LRBA: variants seen among roughly 807,000 people sequenced by gnomAD.
The protein encoded by LRBA is LPS responsive beige-like anchor protein, also known as lipopolysaccharide-responsive and beige-like anchor protein.
LRBA carries 176 observed loss-of-function variants against 330.0 expected under a neutral mutation model. The observed-to-expected ratio is 0.53, with a 90% confidence interval of 0.47 to 0.60. The LOEUF (loss-of-function observed/expected upper bound fraction) is 0.60. LRBA is among the 20% of genes least tolerant of loss of function. LRBA has a pLI of 0.00. For synonymous variants in LRBA, 1,230 were observed against 1,193.0 expected, an observed-to-expected ratio of 1.03 and a Z score of -0.64; for missense variants, 3,259 against 3,444.8, an observed-to-expected ratio of 0.95 and a Z score of 1.35.
At position 150,346,768 on chromosome 4, in the gene LRBA, A is replaced by C. The variant is rs894720838; in HGVS notation, c.7362+3224T>G. Among the ~76,000 whole-genome samples, 176 of 144,636 alleles carry C rather than the reference A, an allele frequency of 1.2e-3. 2 individuals are homozygous for C. Among genetic ancestry groups the C allele is most frequent in the African/African-American group, 4.2e-3 (169 of 40,010 alleles). 94.9% of individuals were successfully genotyped at this position (144,636 alleles called of 152,430 possible). Reference sequence around the variant, plus strand: ...GTGAGACTCTGTCTCAAAAAAAAAAAAAAAAAAAAAAAAAAAAAACACTTA... The same window carrying C: ...GTGAGACTCTGTCTCAAAAAAAAAACAAAAAAAAAAAAAAAAAAACACTTA... On this transcript the variant is annotated intron_variant, in intron 48 of 56. Coordinates refer to ENST00000651943, the MANE Select transcript of LRBA (RefSeq NM_001364905.1).
chr4:150,978,247 C>G (rs1462947668), intron 2 of LRBA, among the ~76,000 whole-genome samples: 1 of 152,248 alleles, frequency 6.6e-6, no homozygotes, highest in Non-Finnish European at 1.5e-5. Flanking sequence ...AAACAAGAGT[C>G]TCCACCTGGT....
chr4:150,569,162 C>A (rs1206733159), intron 40 of LRBA, among the ~76,000 whole-genome samples: 1 of 152,030 alleles, frequency 6.6e-6, no homozygotes. Flanking sequence ...ATCTTTCCAA[C>A]ATCTGCTTGG....
intron 42 of LRBA, among the ~76,000 whole-genome samples, chr4:150,477,708 G>A (rs773896993): frequency 5.3e-5 from 8 of 151,998 alleles, no homozygotes; most frequent in Non-Finnish European, 1.2e-4. Context: ...CTGTTCTCAT[G>A]ACAGTGAGTG....
intron 40 of LRBA, among the ~76,000 whole-genome samples, chr4:150,544,000 A>G (rs1426766045): frequency 6.6e-6 from 1 of 152,214 alleles, no homozygotes; most frequent in Non-Finnish European, 1.5e-5. Context: ...TTTAGTTACT[A>G]GCTTACTGCT....
chr4:150,573,888 A>G (rs1770198023), intron 40 of LRBA, among the ~76,000 whole-genome samples: 1 of 152,188 alleles, frequency 6.6e-6, no homozygotes, highest in African/African-American at 2.4e-5. Context: ...CTTTTAACAC[A>G]GTAGGAACTT....
At chr4:150,471,395 C>T (rs1402499184) in intron 43 of LRBA, among the ~76,000 whole-genome samples, 3 of 152,094 alleles carry the variant, frequency 2.0e-5, no homozygotes, top group Admixed American at 2.0e-4. Flanking sequence ...GAGTTTTTTA[C>T]TGAATCTATA....
At chr4:150,653,110 A>AG (rs1194452560) in intron 37 of LRBA, among the ~76,000 whole-genome samples, 2 of 152,192 alleles carry the variant, frequency 1.3e-5, no homozygotes, top group Non-Finnish European at 2.9e-5. Context: ...TGGGAGGACA[A>AG]GGCAGGAGGA....
At chr4:150,338,656 T>C (rs1735061044) in intron 48 of LRBA, among the ~76,000 whole-genome samples, 2 of 152,252 alleles carry the variant, frequency 1.3e-5, no homozygotes, top group South Asian at 2.1e-4. Flanking sequence ...AGCCACATGA[T>C]TGGAAAGGAT....
Position 150,745,481 on chromosome 4 carries a change from CAA to C in LRBA, c.5646-10117_5646-10116del, listed in dbSNP as rs1424139136. 5.9e-5 allele frequency among the ~76,000 whole-genome samples: 9 copies of C among 152,100 alleles called. No homozygotes were observed. The East Asian group carries it at 1.5e-3, about 26-fold the overall frequency. The stretch of plus-strand genomic sequence containing the variant: ...AAGATACTTCAGATAACAGTATGAA[CAA>C]AGTTATAAAGAGAAAAAAACCTTTG... On this transcript the variant is annotated intron_variant, in intron 35 of 56. Coordinates refer to ENST00000651943, the MANE Select transcript of LRBA (RefSeq NM_001364905.1).
chr4:150,357,328 T>C (rs966882516), intron 47 of LRBA, among the ~76,000 whole-genome samples: 1 of 152,030 alleles, frequency 6.6e-6, no homozygotes, highest in Non-Finnish European at 1.5e-5. Context: ...CCAGCTGTTA[T>C]ATATTTTATA....
chr4:150,904,199 G>A (rs1031665581), intron 13 of LRBA, among the ~76,000 whole-genome samples: 1 of 152,244 alleles, frequency 6.6e-6, no homozygotes, highest in Admixed American at 6.5e-5. Context: ...TATGACCACT[G>A]ATCTATAAAT....
chr4:150,842,258 T>A (rs572585709), intron 28 of LRBA, among the ~76,000 whole-genome samples: 1 of 152,292 alleles, frequency 6.6e-6, no homozygotes, highest in Admixed American at 6.5e-5. Flanking sequence ...TATTAGAGAA[T>A]TCTGAAAGAA....
intron 53 of LRBA, among the ~76,000 whole-genome samples, chr4:150,287,991 ATTT>A (rs1318054945): frequency 6.9e-6 from 1 of 144,732 alleles, no homozygotes; most frequent in Admixed American, 6.9e-5. Context: ...GGATCCACAA[ATTT>A]TTTTTTTTTT....
At position 150,511,740 on chromosome 4, in the gene LRBA, AT is replaced by A. The variant is rs1252586001; in HGVS notation, c.6331-20706del. Among the ~76,000 whole-genome samples, 9 of 152,346 alleles carry A rather than the reference AT, an allele frequency of 5.9e-5. No individual in the cohort carries two copies. In the East Asian group the frequency reaches 1.7e-3, roughly 29 times the overall value. On this transcript the variant is annotated intron_variant, in intron 40 of 56. Transcript: ENST00000651943. ...CTGTGAAATCGATGTCATTTTCACC[AT>A]TTTATAAATTAACAAACAGTCTTTG...
rs1231721573 is a variant in LRBA at position 150,476,078 on chromosome 4, C to T, written c.6552-4339G>A. ...CAACTTTTGTTTCATTGATCTTCTT[C>T]AGTGTTTTTGCTTTATGTTTCATTG... is the stretch of plus-strand genomic sequence containing the variant. On this transcript the variant is annotated intron_variant, in intron 42 of 56. Transcript: ENST00000651943. Among the ~76,000 whole-genome samples the T allele has an allele frequency of 2.6e-5, 4 of 152,188 alleles. No homozygotes were observed. The East Asian group carries it at 7.7e-4, about 29-fold the overall frequency.
At chr4:150,573,254 C>T (rs1770098399) in intron 40 of LRBA, among the ~76,000 whole-genome samples, 1 of 152,146 alleles carries the variant, frequency 6.6e-6, no homozygotes, top group Admixed American at 6.5e-5. Context: ...TAGGGGCAAG[C>T]CCTGGAACAC....
intron 35 of LRBA, among the ~76,000 whole-genome samples, chr4:150,737,088 C>T (rs1234111193): frequency 1.3e-5 from 2 of 152,010 alleles, no homozygotes; most frequent in East Asian, 3.9e-4. Flanking sequence ...CATGGTAGTG[C>T]ATGCCTATGG....
At chr4:150,312,555 G>A (rs1185334649) in intron 51 of LRBA, among the ~76,000 whole-genome samples, 1 of 151,566 alleles carries the variant, frequency 6.6e-6, no homozygotes, top group East Asian at 1.9e-4. Flanking sequence ...CCCAATAAAG[G>A]GACAATTCAA....
intron 37 of LRBA, among the ~76,000 whole-genome samples, chr4:150,624,571 T>A (rs972058919): frequency 6.6e-6 from 1 of 152,112 alleles, no homozygotes; most frequent in Non-Finnish European, 1.5e-5. Context: ...TACCATAATC[T>A]TGAACAACAA....
Sources: gnomAD v4.1 joint callset for allele counts (sites outside exome capture counted in the v4.1 genomes callset) on GRCh38, gnomAD v4.1.1 for gene constraint, MANE v1.5 for transcripts, NCBI Gene and HGNC (gene_info 2026-07-23, HGNC 2026-07-21) for gene names.